The following ADGRL3 variants were observed in gnomAD, a reference collection of about 807,000 sequenced individuals.
The protein encoded by ADGRL3 is calcium-independent alpha-latrotoxin receptor 3.
Under a neutral mutation model 153.5 loss-of-function variants are expected in ADGRL3, and 62 were observed. That is an observed-to-expected ratio of 0.40 (90% confidence interval 0.33 to 0.50). The LOEUF (loss-of-function observed/expected upper bound fraction) is 0.50. ADGRL3 is among the 20% of genes least tolerant of loss of function. ADGRL3 has a pLI of 0.47. For missense variants in ADGRL3, 1,641 were observed against 1,859.4 expected, an observed-to-expected ratio of 0.88 and a Z score of 2.16; for synonymous variants, 710 against 672.5, an observed-to-expected ratio of 1.06 and a Z score of -0.86.
At chr4:61,240,925 G>A (rs1754669150) in intron 1 of ADGRL3, among the ~76,000 whole-genome samples, 1 of 151,870 alleles carries the variant, frequency 6.6e-6, no homozygotes, top group Admixed American at 6.6e-5. Flanking sequence ...CTGATGTATA[G>A]GTATGATTTT....
At chr4:61,416,428 A>T (rs1289018577) in intron 2 of ADGRL3, among the ~76,000 whole-genome samples, 8 of 152,146 alleles carry the variant, frequency 5.3e-5, no homozygotes, top group African/African-American at 1.9e-4. Flanking sequence ...AATTTCACAG[A>T]TTTCTCAAAG....
chr4:61,727,857 A>C (rs1030000951), intron 6 of ADGRL3, among the ~76,000 whole-genome samples: 11 of 152,266 alleles, frequency 7.2e-5, no homozygotes, highest in African/African-American at 2.2e-4. Flanking sequence ...CATGCTTAAA[A>C]TATCAAGAAG....
intron 25 of ADGRL3, 24 bp downstream of exon 25, chr4:62,044,573 T>C: frequency 6.9e-7 from 1 of 1,448,590 alleles, no homozygotes; most frequent in Non-Finnish European, 9.5e-7. Context: ...ATTTTTCATA[T>C]TTATTACTTT....
intron 25 of ADGRL3, among the ~76,000 whole-genome samples, chr4:62,059,628 A>G (rs1379768332): frequency 6.6e-6 from 1 of 152,114 alleles, no homozygotes; most frequent in Non-Finnish European, 1.5e-5. Context: ...CAGCAAATAG[A>G]TCTCCAATTA....
intron 1 of ADGRL3, among the ~76,000 whole-genome samples, chr4:61,291,777 G>A (rs1477829443): frequency 6.7e-6 from 1 of 149,514 alleles, no homozygotes; most frequent in African/African-American, 2.5e-5. Flanking sequence ...CTGCTGTTGA[G>A]ACAGAAGTAT....
chr4:61,529,231 C>G (rs996472055), intron 4 of ADGRL3, among the ~76,000 whole-genome samples: 3 of 152,132 alleles, frequency 2.0e-5, no homozygotes, highest in African/African-American at 7.2e-5. Context: ...CTAAGTACAT[C>G]TTATGAGTTC....
At chr4:61,352,142 TTGAG>T (rs1005756904) in intron 1 of ADGRL3, among the ~76,000 whole-genome samples, 6 of 152,230 alleles carry the variant, frequency 3.9e-5, no homozygotes, top group African/African-American at 1.2e-4. Context: ...ATGGATGACT[TTGAG>T]TGACTCAAGA....
intron 1 of ADGRL3, among the ~76,000 whole-genome samples, chr4:61,308,207 A>G (rs772863731): frequency 2.0e-5 from 3 of 152,144 alleles, no homozygotes; most frequent in Admixed American, 6.6e-5. Flanking sequence ...CAAAATGAGT[A>G]TGACTTACTG....
At chr4:61,550,164 G>T (rs1405554408) in intron 4 of ADGRL3, among the ~76,000 whole-genome samples, 1 of 149,610 alleles carries the variant, frequency 6.7e-6, no homozygotes, top group Non-Finnish European at 1.5e-5. Context: ...ATTATTTGAA[G>T]ATTTATTTAA....
At chr4:61,450,444 A>G (rs1404931174) in intron 2 of ADGRL3, among the ~76,000 whole-genome samples, 1 of 152,146 alleles carries the variant, frequency 6.6e-6, no homozygotes, top group Non-Finnish European at 1.5e-5. Flanking sequence ...CAGCACAATT[A>G]TAAGTACTGT....
At position 61,655,953 on chromosome 4, in the gene ADGRL3, G is replaced by GA. The variant is rs138438254; in HGVS notation, c.474-20868dup. ...TGTGGTTACTCACTGATATTAAAAAGAAAAATACCTGTTTCCTTGTCAATG... is the reference window on the plus strand; with the variant it reads ...TGTGGTTACTCACTGATATTAAAAAGAAAAAATACCTGTTTCCTTGTCAATG... On this transcript the variant is annotated intron_variant, in intron 5 of 26. Coordinates refer to ENST00000683033, the MANE Select transcript of ADGRL3 (RefSeq NM_001387552.1). 3.0e-4 allele frequency among the ~76,000 whole-genome samples: 46 copies of GA among 152,198 alleles called. No homozygotes were observed. In the East Asian group the frequency reaches 8.9e-3, roughly 29 times the overall value.
intron 6 of ADGRL3, among the ~76,000 whole-genome samples, chr4:61,690,748 A>G (rs896244467): frequency 3.3e-5 from 5 of 152,056 alleles, no homozygotes; most frequent in African/African-American, 1.2e-4. Context: ...GACCAAAAGA[A>G]TTGGTAGCTG....
chr4:61,887,521 C>A (rs1274177789), intron 9 of ADGRL3, among the ~76,000 whole-genome samples: 3 of 151,694 alleles, frequency 2.0e-5, no homozygotes, highest in Admixed American at 2.0e-4. Context: ...TTTTTTTGGT[C>A]TGAATTAAAT....
rs369346252 is a variant in ADGRL3, at chr4:61,657,047, C to CAT, written c.474-19779_474-19778insAT. On this transcript the variant is annotated intron_variant, in intron 5 of 26. Transcript: ENST00000683033. Reference sequence around the variant, plus strand: ...TCTTTTGATACTTTTTATTTGCAAACGTGTTTATTTATCAAATGGATTAAA... The same window carrying CAT: ...TCTTTTGATACTTTTTATTTGCAAACATGTGTTTATTTATCAAATGGATTAAA... Among the ~76,000 whole-genome samples the CAT allele has an allele frequency of 8.6e-4, 131 of 152,194 alleles. 2 individuals carry two copies. The highest frequency in any genetic ancestry group is 3.1e-3 in the African/African-American group (128 of 41,536).
chr4:61,781,331 C>CA (rs71281828), intron 8 of ADGRL3, among the ~76,000 whole-genome samples: 9,157 of 64,148 alleles, frequency 0.14, 433 homozygotes, highest in East Asian at 0.31. Context: ...ATTCTGCCTC[C>CA]AAAAAAAAAA....
chr4:61,806,142 C>T (rs765336441), intron 8 of ADGRL3, among the ~76,000 whole-genome samples: 11 of 152,120 alleles, frequency 7.2e-5, no homozygotes, highest in Non-Finnish European at 1.2e-4. Context: ...ACAGAGTACA[C>T]ATATGAGCTG....
At chr4:61,684,334 GA>G (rs1271274376) in intron 6 of ADGRL3, among the ~76,000 whole-genome samples, 2 of 152,044 alleles carry the variant, frequency 1.3e-5, no homozygotes, top group African/African-American at 4.8e-5. Context: ...AAACAAAGGA[GA>G]AAAAAGGTGA....
intron 8 of ADGRL3, among the ~76,000 whole-genome samples, chr4:61,752,058 C>T (rs1428322477): frequency 6.6e-6 from 1 of 152,074 alleles, no homozygotes; most frequent in Non-Finnish European, 1.5e-5. Flanking sequence ...GTGAGGAGTG[C>T]TTATATACTG....
intron 9 of ADGRL3, among the ~76,000 whole-genome samples, chr4:61,858,181 A>C (rs959608673): frequency 6.6e-6 from 1 of 152,212 alleles, no homozygotes; most frequent in African/African-American, 2.4e-5. Context: ...GAACTTGGCA[A>C]ACTTTTACTA....
Sources: gnomAD v4.1 joint callset for allele counts (sites outside exome capture counted in the v4.1 genomes callset) on GRCh38, gnomAD v4.1.1 for gene constraint, MANE v1.5 for transcripts, NCBI Gene and HGNC (gene_info 2026-07-23, HGNC 2026-07-21) for gene names.